GGA3: variants seen among roughly 807,000 people sequenced by gnomAD.
The protein encoded by GGA3 is ADP-ribosylation factor-binding protein GGA3.
Under a neutral mutation model 77.5 loss-of-function variants are expected in GGA3, and 57 were observed. The ratio of observed to expected loss-of-function variants is 0.74; its 90% CI spans 0.59 to 0.92. The LOEUF (loss-of-function observed/expected upper bound fraction) is 0.92, where lower values mean the gene tolerates loss of function less well. Among genes scored for constraint, GGA3 ranks in the 40% least tolerant of loss-of-function variants. The pLI, the probability that GGA3 is intolerant of heterozygous loss-of-function variation, is 0.00. For synonymous variants in GGA3, 416 were observed against 383.7 expected, an observed-to-expected ratio of 1.08 and a Z score of -0.98; for missense variants, 970 against 914.9, an observed-to-expected ratio of 1.06 and a Z score of -0.78.
intron 11 of GGA3, 74 bp from the exon 12 acceptor site, chr17:75,240,486 G>A (rs1481568933): frequency 3.1e-6 from 3 of 956,490 alleles, no homozygotes; most frequent in Middle Eastern, 3.0e-4. Context: ...TGCCTGAGGA[G>A]GGGTCAGGTG....
upstream of GGA3, chr17:75,261,610 G>A (rs761100345): frequency 6.5e-7 from 1 of 1,537,024 alleles, no homozygotes; most frequent in Non-Finnish European, 8.8e-7. Flanking sequence ...CGGCCCCGCG[G>A]CTTCAAAACT....
At chr17:75,253,525 GT>G in intron 1 of GGA3, among the ~76,000 whole-genome samples, 1 of 152,178 alleles carries the variant, frequency 6.6e-6, no homozygotes, top group East Asian at 1.9e-4. Context: ...GGAGGGGCAA[GT>G]ACCACAACCC....
At position 75,238,160 on chromosome 17, in the gene GGA3, G is replaced by T. The variant is rs1353458988; in HGVS notation, c.*119C>A. ...CTCAGCAGAAATGCCCAGGGCCCCTGTTCCACATCAAAGCTACAAGCACTG... is the reference window on the plus strand; with the variant it reads ...CTCAGCAGAAATGCCCAGGGCCCCTTTTCCACATCAAAGCTACAAGCACTG... On this transcript the variant is annotated 3_prime_UTR_variant, in exon 17 of 17. Coordinates refer to ENST00000537686, the MANE Select transcript of GGA3 (RefSeq NM_138619.4). 6.7e-7 allele frequency: 1 copy of T among 1,489,666 alleles called. No homozygotes were observed. Among genetic ancestry groups the T allele is most frequent in the Non-Finnish European group, 8.9e-7 (1 of 1,122,046 alleles). 92.3% of individuals were successfully genotyped at this position (1,489,666 alleles called of 1,614,324 possible).
intron 8 of GGA3, chr17:75,241,915 C>T (rs138807473): frequency 8.6e-5 from 51 of 589,618 alleles, no homozygotes; most frequent in African/African-American, 7.8e-4. Flanking sequence ...CAGGATGGGT[C>T]AGGGGAAGTC....
At chr17:75,244,825 GGAAGGAGC>G (rs2076699947) in intron 3 of GGA3, 108 bp from the exon 4 acceptor site, 1 of 736,054 alleles carries the variant, frequency 1.4e-6, no homozygotes, top group Non-Finnish European at 2.4e-6. Context: ...CACGCCCACA[GGAAGGAGC>G]TCATCACGAA....
chr17:75,262,090 T>G, upstream of GGA3: 1 of 1,337,694 alleles, frequency 7.5e-7, no homozygotes, highest in Non-Finnish European at 1.0e-6. Context: ...GGCCGGAGTA[T>G]CTGGATTCAA....
upstream of GGA3, chr17:75,261,782 T>G: frequency 8.2e-7 from 1 of 1,213,122 alleles, no homozygotes; most frequent in Non-Finnish European, 1.1e-6. Flanking sequence ...AACTCTAACG[T>G]CCAGATCAGT....
chr17:75,246,884 G>C, intron 1 of GGA3, 88 bp from the exon 2 acceptor site: 1 of 1,021,050 alleles, frequency 9.8e-7, no homozygotes, highest in Non-Finnish European at 1.5e-6. Flanking sequence ...TAAGCACTAA[G>C]AGTTTGCTTT....
chr17:75,242,360 C>T lies in GGA3; in HGVS notation c.723G>A (p.Ser241=). The change falls in exon 8 of 17, where the codon TCG becomes TCA. Residue 241 remains serine, a synonymous_variant. Coordinates refer to ENST00000537686, the MANE Select transcript of GGA3 (RefSeq NM_138619.4). ...CCTTCATCAGCTCTCTGTCCCCGTC[C>T]GAAGAGTCCTCCTGGCTGTAATGAA... ...MLLHYSQEDS[S]DGDRELMKEL... is the part of the protein sequence containing the mutation. The T allele has an allele frequency of 6.2e-6, 10 of 1,614,224 alleles. No homozygotes were observed. Among genetic ancestry groups the T allele is most frequent in the South Asian group, 1.1e-5 (1 of 91,088 alleles).
chr17:75,240,865 G>T lies in GGA3; in HGVS notation c.1139C>A (p.Pro380His). The T allele has an allele frequency of 6.2e-7, 1 of 1,613,516 alleles. No homozygotes were observed. The highest frequency in any genetic ancestry group is 2.2e-5 in the East Asian group (1 of 44,866). ...SSSQAEATLG[P>H]SSTSNALSWL... Reference sequence around the variant, plus strand: ...GGAGAGGGCGTTGCTTGTGCTGCTGGGCCCCAGGGTGGCCTCGGCCTGGCT... The same window carrying T: ...GGAGAGGGCGTTGCTTGTGCTGCTGTGCCCCAGGGTGGCCTCGGCCTGGCT... The change falls in exon 11 of 17, where the codon CCC becomes CAC. Residue 380 changes from proline (P) to histidine (H), a missense_variant. By Grantham distance (77) the Pro-to-His change is moderately conservative (BLOSUM62 -2). Transcript: ENST00000537686.
chr17:75,256,493 C>G (rs2077156069), intron 1 of GGA3, among the ~76,000 whole-genome samples: 1 of 151,958 alleles, frequency 6.6e-6, no homozygotes. Flanking sequence ...CTGACATTCA[C>G]CCCATTTCCC....
At chr17:75,258,381 G>A (rs1348309833) in intron 1 of GGA3, among the ~76,000 whole-genome samples, 4 of 152,192 alleles carry the variant, frequency 2.6e-5, no homozygotes, top group South Asian at 2.1e-4. Context: ...AAACTTCTTC[G>A]GCTGGGCTGG....
At chr17:75,243,749 G>A (rs1163241294) in intron 4 of GGA3, among the ~76,000 whole-genome samples, 179 bp from the exon 5 acceptor site, 1 of 152,178 alleles carries the variant, frequency 6.6e-6, no homozygotes, top group African/African-American at 2.4e-5. Context: ...TGGTGTGGCT[G>A]TGTCCATCTG....
chr17:75,239,033 A>G lies in GGA3; in HGVS notation c.1831T>C (p.Phe611Leu). 1.2e-6 allele frequency: 2 copies of G among 1,614,014 alleles called. No homozygotes were observed. Among genetic ancestry groups the G allele is most frequent in the Non-Finnish European group, 1.7e-6 (2 of 1,180,000 alleles). Reference protein sequence around the residue: ...AYDKNGFRILFHFAKECPPGR... With the variant: ...AYDKNGFRILLHFAKECPPGR... Reference sequence around the variant, plus strand: ...GGGGGACACTCCTTGGCAAAGTGGAAGAGGATGCGGAAGCCGTTTTTATCG... The same window carrying G: ...GGGGGACACTCCTTGGCAAAGTGGAGGAGGATGCGGAAGCCGTTTTTATCG... The change falls in exon 15 of 17, where the codon TTC (phenylalanine) becomes CTC (leucine). Residue 611 changes from phenylalanine (F) to leucine (L), a missense_variant. By Grantham distance (22) the Phe-to-Leu change is conservative (BLOSUM62 0). Coordinates refer to ENST00000537686, the MANE Select transcript of GGA3 (RefSeq NM_138619.4).
chr17:75,242,572 T>G, intron 7 of GGA3, 99 bp from the exon 8 acceptor site: 1 of 1,426,586 alleles, frequency 7.0e-7, no homozygotes. Flanking sequence ...GTACAGACGC[T>G]CGGAAGCTCC....
intron 1 of GGA3, among the ~76,000 whole-genome samples, chr17:75,251,014 G>A (rs2076947096): frequency 6.6e-6 from 1 of 151,896 alleles, no homozygotes; most frequent in African/African-American, 2.4e-5. Flanking sequence ...CCAGGAGGCA[G>A]AGGCTGCAGT....
Position 75,239,921 on chromosome 17 carries a change from A to G in GGA3, c.1451T>C (p.Phe484Ser). The G allele has an allele frequency of 1.2e-6, 2 of 1,609,232 alleles. No individual in the cohort carries two copies. The highest frequency in any genetic ancestry group is 1.7e-5 in the Admixed American group (1 of 58,976). Reference protein sequence around the residue: ...VPAPSAGSSLFSTGVAPALAP... With the variant: ...VPAPSAGSSLSSTGVAPALAP... ...CAAGGCTGGGGCCACTCCAGTAGAA[A>G]ACAAGGAGGAGCCCGCACTGGGGGC... Residue 484 changes from phenylalanine to serine, a missense_variant, in exon 13 of 17, where the codon TTT becomes TCT. Coordinates refer to ENST00000537686, the MANE Select transcript of GGA3 (RefSeq NM_138619.4).
At chr17:75,248,822 A>AGAC (rs1873262207) in intron 1 of GGA3, 1 of 802,488 alleles carries the variant, frequency 1.2e-6, no homozygotes. Context: ...AAAACAAAAC[A>AGAC]AAAAAAAAAA....
chr17:75,242,215 T>G (rs1282607412), intron 8 of GGA3, 121 bp downstream of exon 8: 10 of 1,048,084 alleles, frequency 9.5e-6, no homozygotes, highest in African/African-American at 3.1e-5. Context: ...AGTAAGGTCA[T>G]GAATACACTG....
Sources: gnomAD v4.1 joint callset for allele counts (sites outside exome capture counted in the v4.1 genomes callset) on GRCh38, gnomAD v4.1.1 for gene constraint, MANE v1.5 for transcripts, NCBI Gene and HGNC (gene_info 2026-07-23, HGNC 2026-07-21) for gene names.